The following CRTAC1 variants were observed in gnomAD, a reference collection of about 807,000 sequenced individuals.
CRTAC1 encodes the protein acidic secreted protein in cartilage.
Under a neutral mutation model 67.8 loss-of-function variants are expected in CRTAC1, and 37 were observed. The ratio of observed to expected loss-of-function variants is 0.55; its 90% confidence interval spans 0.42 to 0.72. The LOEUF (loss-of-function observed/expected upper bound fraction) is 0.72. Ranked by LOEUF, CRTAC1 falls within the 30% of genes least tolerant of loss-of-function variation. CRTAC1 has a pLI of 0.00. For synonymous variants in CRTAC1, 348 were observed against 371.0 expected (o/e 0.94, Z 0.71); for missense variants, 780 against 931.6 (o/e 0.84, Z 2.12).
chr10:97,998,369 TA>T (rs1564929112), intron 2 of CRTAC1, among the ~76,000 whole-genome samples: 1 of 151,874 alleles, frequency 6.6e-6, no homozygotes, highest in Non-Finnish European at 1.5e-5. Flanking sequence ...TATTTTTTTT[TA>T]AAAAGAGATC....
intron 1 of CRTAC1, among the ~76,000 whole-genome samples, chr10:98,018,370 G>A (rs555406693): frequency 4.6e-5 from 7 of 152,158 alleles, no homozygotes; most frequent in South Asian, 2.1e-4. Context: ...CATGGAGATC[G>A]TATGACCTGC....
intron 2 of CRTAC1, among the ~76,000 whole-genome samples, chr10:97,979,780 C>T (rs1450592430): frequency 1.3e-5 from 2 of 152,186 alleles, no homozygotes; most frequent in Admixed American, 6.5e-5. Flanking sequence ...GAGCTTGTCA[C>T]CAGTATTTTT....
intron 2 of CRTAC1, among the ~76,000 whole-genome samples, chr10:98,006,512 T>C (rs909952347): frequency 6.6e-5 from 10 of 152,084 alleles, no homozygotes; most frequent in Non-Finnish European, 1.5e-5. Context: ...GTCAGAGACA[T>C]GCACACGCCT....
intron 14 of CRTAC1, chr10:97,879,693 T>A: frequency 6.5e-7 from 1 of 1,548,998 alleles, no homozygotes; most frequent in Non-Finnish European, 8.7e-7. Context: ...TTAAAGTGCA[T>A]ATAACTGAAG....
chr10:97,978,271 G>A (rs185638426), intron 2 of CRTAC1, among the ~76,000 whole-genome samples: 24 of 152,192 alleles, frequency 1.6e-4, no homozygotes, highest in Non-Finnish European at 2.6e-4. Flanking sequence ...CAAGGTCTCC[G>A]GTGACTTGTG....
chr10:97,865,790 A>T (rs1564868165), intron 14 of CRTAC1, 76 bp from the exon 15 acceptor site: 1 of 1,013,124 alleles, frequency 9.9e-7, no homozygotes. Context: ...CCCGCTTCTG[A>T]GTCATTCTTT....
chr10:97,885,130 G>A (rs1471397031), intron 11 of CRTAC1, among the ~76,000 whole-genome samples: 1 of 152,182 alleles, frequency 6.6e-6, no homozygotes, highest in Admixed American at 6.5e-5. Flanking sequence ...GCTGGGGGTT[G>A]CCAGGGCCTT....
chr10:97,967,369 C>T (rs901808678), intron 2 of CRTAC1, among the ~76,000 whole-genome samples: 1 of 152,144 alleles, frequency 6.6e-6, no homozygotes, highest in African/African-American at 2.4e-5. Flanking sequence ...CCAGATGCTC[C>T]AGGCTCACTT....
chr10:98,010,335 C>T (rs952257467), intron 2 of CRTAC1, among the ~76,000 whole-genome samples: 17 of 152,106 alleles, frequency 1.1e-4, no homozygotes, highest in African/African-American at 2.9e-4. Flanking sequence ...CCACTGCACC[C>T]GGCCCTCAAT....
At chr10:97,998,719 T>A (rs1034278661) in intron 2 of CRTAC1, among the ~76,000 whole-genome samples, 7 of 151,640 alleles carry the variant, frequency 4.6e-5, no homozygotes, top group Admixed American at 2.0e-4. Flanking sequence ...AAAAAAAAAA[T>A]GTAAAAACAT....
At chr10:97,902,820 T>G (rs1028196001) in intron 7 of CRTAC1, among the ~76,000 whole-genome samples, 1 of 152,016 alleles carries the variant, frequency 6.6e-6, no homozygotes, top group African/African-American at 2.4e-5. Flanking sequence ...TCGAGCTGCC[T>G]GCTCTGGGGA....
At chr10:97,891,524 C>T (rs566543953) in intron 11 of CRTAC1, among the ~76,000 whole-genome samples, 23 of 152,364 alleles carry the variant, frequency 1.5e-4, no homozygotes, top group East Asian at 7.7e-4. Flanking sequence ...GCCAGTATGG[C>T]GGTGTGTCCA....
At chr10:97,913,618 A>G (rs1444006703) in intron 5 of CRTAC1, among the ~76,000 whole-genome samples, 2 of 152,220 alleles carry the variant, frequency 1.3e-5, no homozygotes, top group African/African-American at 4.8e-5. Flanking sequence ...CCCGATACTC[A>G]TCAAATGCAT....
chr10:97,954,313 A>G (rs764462205), intron 2 of CRTAC1, among the ~76,000 whole-genome samples: 5 of 152,206 alleles, frequency 3.3e-5, no homozygotes, highest in Non-Finnish European at 7.3e-5. Flanking sequence ...GGATGGTGAC[A>G]GCACAAATAA....
At chr10:98,025,726 GTA>G (rs2136710127) in intron 1 of CRTAC1, among the ~76,000 whole-genome samples, 1 of 152,332 alleles carries the variant, frequency 6.6e-6, no homozygotes, top group Non-Finnish European at 1.5e-5. Context: ...CTGGAAGCCT[GTA>G]TCTGCAGCCT....
In CRTAC1 at chr10:97,882,766, G is replaced by C. The variant is rs201787100; in HGVS notation, c.1675+20C>G. On this transcript the variant is annotated intron_variant, in intron 13 of 14. Transcript: ENST00000370597. ...GATTCCGGCCTCTACCCCATGCCCT[G>C]GTGACTGAAGGCAACTCACCCATGC... 71 of 1,613,518 alleles carry C rather than the reference G, an allele frequency of 4.4e-5. No homozygotes were observed. The highest frequency in any genetic ancestry group is 3.3e-4 in the Middle Eastern group (2 of 6,026).
chr10:97,900,141 C>T (rs1240018618), intron 8 of CRTAC1, among the ~76,000 whole-genome samples: 1 of 152,198 alleles, frequency 6.6e-6, no homozygotes, highest in Non-Finnish European at 1.5e-5. Context: ...CTGGACGTCC[C>T]CTTGGAGAAA....
chr10:97,893,177 A>G (rs1264702780), intron 11 of CRTAC1, among the ~76,000 whole-genome samples: 2 of 152,236 alleles, frequency 1.3e-5, no homozygotes, highest in Admixed American at 6.5e-5. Flanking sequence ...CACTGTGTCT[A>G]GAATAAGTGA....
intron 2 of CRTAC1, among the ~76,000 whole-genome samples, chr10:97,988,497 G>A (rs188251037): frequency 1.1e-3 from 168 of 152,246 alleles, no homozygotes; most frequent in African/African-American, 3.8e-3. Context: ...CGAGGCAGGC[G>A]GATCACTTGA....
Sources: gnomAD v4.1 joint callset for allele counts (sites outside exome capture counted in the v4.1 genomes callset) on GRCh38, gnomAD v4.1.1 for gene constraint, MANE v1.5 for transcripts, NCBI Gene and HGNC (gene_info 2026-07-23, HGNC 2026-07-21) for gene names.